ADAM22: variants seen among roughly 807,000 people sequenced by gnomAD.
The protein encoded by ADAM22 is ADAM metallopeptidase domain 22.
Under a neutral mutation model 144.6 loss-of-function variants are expected in ADAM22, and 65 were observed. The ratio of observed to expected loss-of-function variants is 0.45; its 90% CI spans 0.37 to 0.55. The LOEUF is 0.55. Among genes scored for constraint, ADAM22 ranks in the 20% least tolerant of loss-of-function variants. The pLI is 0.00. For missense variants in ADAM22, 974 were observed against 1,184.9 expected (o/e 0.82, Z 2.61); for synonymous variants, 391 against 412.6 (o/e 0.95, Z 0.63).
chr7:88,009,248 G>T (rs923919695), intron 3 of ADAM22, among the ~76,000 whole-genome samples: 2 of 152,110 alleles, frequency 1.3e-5, no homozygotes, highest in African/African-American at 2.4e-5. Context: ...TTTTGCATTA[G>T]CTTCATTGAT....
chr7:88,082,942 G>C (rs187408365), intron 4 of ADAM22, among the ~76,000 whole-genome samples: 6,415 of 152,208 alleles, frequency 0.042, 446 homozygotes, highest in East Asian at 0.26. Context: ...ATTCCTCAGG[G>C]ATCTAGAACT....
chr7:87,970,868 A>T (rs972848366), intron 2 of ADAM22, among the ~76,000 whole-genome samples: 1 of 152,188 alleles, frequency 6.6e-6, no homozygotes, highest in African/African-American at 2.4e-5. Context: ...AATTATCTTT[A>T]TGTAATTATA....
At chr7:88,002,828 A>G (rs1792898805) in intron 3 of ADAM22, among the ~76,000 whole-genome samples, 1 of 152,172 alleles carries the variant, frequency 6.6e-6, no homozygotes, top group African/African-American at 2.4e-5. Context: ...TTCCTCCTTG[A>G]TCCTGACCCA....
chr7:88,052,199 A>AT (rs2090245412), intron 3 of ADAM22, among the ~76,000 whole-genome samples: 1 of 152,040 alleles, frequency 6.6e-6, no homozygotes, highest in South Asian at 2.1e-4. Context: ...GCTTTAGCAC[A>AT]TAAAAAAAAA....
At chr7:88,080,964 A>G (rs1816399783) in intron 4 of ADAM22, among the ~76,000 whole-genome samples, 1 of 152,228 alleles carries the variant, frequency 6.6e-6, no homozygotes, top group African/African-American at 2.4e-5. Context: ...CAATAGAAAA[A>G]GAGGGAATCC....
At chr7:88,010,382 A>G (rs557924222) in intron 3 of ADAM22, among the ~76,000 whole-genome samples, 6 of 152,224 alleles carry the variant, frequency 3.9e-5, no homozygotes, top group Admixed American at 2.0e-4. Context: ...GGCTCGGGTA[A>G]CAAACCACTG....
chr7:88,136,506 A>C (rs1277052663), intron 14 of ADAM22, among the ~76,000 whole-genome samples: 3 of 152,088 alleles, frequency 2.0e-5, no homozygotes, highest in Non-Finnish European at 4.4e-5. Flanking sequence ...TGGGAAGAGA[A>C]ATGTACAATC....
intron 15 of ADAM22, among the ~76,000 whole-genome samples, chr7:88,143,588 T>G (rs1346446419): frequency 6.6e-6 from 1 of 152,214 alleles, no homozygotes; most frequent in Admixed American, 6.5e-5. Context: ...AAAACAAGTC[T>G]TCTTAAAGCA....
intron 2 of ADAM22, among the ~76,000 whole-genome samples, chr7:87,966,739 T>TTTTTG (rs1562874483): frequency 7.2e-6 from 1 of 139,518 alleles, no homozygotes; most frequent in African/African-American, 2.7e-5. Context: ...TTTTTTTTTT[T>TTTTTG]TTTTTTTTTT....
chr7:87,983,937 G>A (rs1156680792), intron 3 of ADAM22, among the ~76,000 whole-genome samples: 2 of 152,004 alleles, frequency 1.3e-5, no homozygotes, highest in African/African-American at 4.8e-5. Flanking sequence ...CTGTAGATAG[G>A]TTTGGATTTT....
intron 4 of ADAM22, among the ~76,000 whole-genome samples, chr7:88,096,245 C>T (rs1006780476): frequency 1.3e-4 from 19 of 148,358 alleles, no homozygotes; most frequent in Non-Finnish European, 6.0e-5. Context: ...TTTTTTTTTT[C>T]CCCCAAAGAA....
rs1851190610 is a variant in ADAM22, at chr7:88,201,377, A to C, written c.*4886A>C. 6.6e-6 allele frequency: 1 copy of C among 152,260 alleles called. No homozygotes were observed. Among genetic ancestry groups the C allele is most frequent in the East Asian group, 1.9e-4 (1 of 5,192 alleles). The allele number at this position is 152,260 out of a possible 1,614,324, so 9.4% of individuals were successfully genotyped here. On this transcript the variant is annotated 3_prime_UTR_variant, in exon 32 of 32. Coordinates refer to ENST00000413139, the MANE Select transcript of ADAM22 (RefSeq NM_001324418.2). ...AATTTCAGGATGGGGAGGAGATAAG[A>C]AGCAGAGAACTTTGGGAGACCATGG...
chr7:88,082,670 T>G (rs1379428957), intron 4 of ADAM22, among the ~76,000 whole-genome samples: 17 of 151,922 alleles, frequency 1.1e-4, no homozygotes, highest in African/African-American at 3.4e-4. Context: ...ATCAAAAAGT[T>G]TGCAAAGGAT....
At chr7:87,990,132 G>A (rs1789446362) in intron 3 of ADAM22, among the ~76,000 whole-genome samples, 1 of 151,828 alleles carries the variant, frequency 6.6e-6, no homozygotes, top group African/African-American at 2.4e-5. Flanking sequence ...ACAGGTTTTG[G>A]GGTGATAGAT....
At chr7:88,068,865 C>G (rs1201680442) in intron 3 of ADAM22, among the ~76,000 whole-genome samples, 1 of 152,068 alleles carries the variant, frequency 6.6e-6, no homozygotes, top group African/African-American at 2.4e-5. Context: ...AAGGAGAATT[C>G]TACATGCATG....
chr7:88,058,775 A>G (rs1808972938), intron 3 of ADAM22, among the ~76,000 whole-genome samples: 1 of 152,342 alleles, frequency 6.6e-6, no homozygotes, highest in East Asian at 1.9e-4. Context: ...TGAAAAGCAT[A>G]AAGCTTATAA....
At chr7:88,033,120 G>T (rs1800695066) in intron 3 of ADAM22, among the ~76,000 whole-genome samples, 1 of 152,226 alleles carries the variant, frequency 6.6e-6, no homozygotes, top group South Asian at 2.1e-4. Flanking sequence ...TTCTGGGTGT[G>T]GAAGAGTTAG....
intron 22 of ADAM22, among the ~76,000 whole-genome samples, chr7:88,161,366 C>T (rs767040957): frequency 2.0e-5 from 3 of 151,732 alleles, no homozygotes; most frequent in African/African-American, 4.8e-5. Flanking sequence ...GTATAAAAAC[C>T]CTGGAAGACA....
chr7:88,112,317 T>C (rs1032965983), intron 5 of ADAM22, among the ~76,000 whole-genome samples: 3 of 152,180 alleles, frequency 2.0e-5, no homozygotes, highest in African/African-American at 7.2e-5. Flanking sequence ...TGGAAGATGT[T>C]ATAGCAGGAA....
Sources: gnomAD v4.1 joint callset for allele counts (sites outside exome capture counted in the v4.1 genomes callset) on GRCh38, gnomAD v4.1.1 for gene constraint, MANE v1.5 for transcripts, NCBI Gene and HGNC (gene_info 2026-07-23, HGNC 2026-07-21) for gene names.